The following M1AP variants were observed in gnomAD, a reference collection of about 807,000 sequenced individuals.
The protein encoded by M1AP is meiosis 1 arrest protein.
M1AP carries 39 observed loss-of-function variants against 51.2 expected under a neutral mutation model. That is an observed-to-expected ratio of 0.76 (90% CI 0.59 to 1.00). The LOEUF is 1.00. Among genes scored for constraint, M1AP ranks in the 50% least tolerant of loss-of-function variants. The pLI, the probability that M1AP is intolerant of heterozygous loss-of-function variation, is 0.00. For missense variants in M1AP, 545 were observed against 641.2 expected, an observed-to-expected ratio of 0.85 and a Z score of 1.62; for synonymous variants, 251 against 249.2, an observed-to-expected ratio of 1.01 and a Z score of -0.07.
At chr2:74,607,281 C>T (rs1681071060) in intron 3 of M1AP, 58 bp from the exon 4 acceptor site, 3 of 1,539,728 alleles carry the variant, frequency 1.9e-6, no homozygotes, top group Middle Eastern at 1.7e-4. Context: ...GAGTGAGGAA[C>T]ATAACAGTTC....
At chr2:74,591,141 G>T (rs369723957) in intron 4 of M1AP, among the ~76,000 whole-genome samples, 1 of 152,146 alleles carries the variant, frequency 6.6e-6, no homozygotes. Context: ...GTATAAAGCC[G>T]CCTCCCAGCT....
chr2:74,634,143 T>C lies in M1AP; in HGVS notation c.240+5893A>G, dbSNP rs146235435. ...GGAAAAAACACTTAGCATGATGCCA[T>C]GTATGCAGTAAGCACTCCATAATAT... On this transcript the variant is annotated intron_variant, in intron 2 of 10. Coordinates refer to ENST00000421985, the MANE Select transcript of M1AP (RefSeq NM_001321739.2). Among the ~76,000 whole-genome samples, 534 of 152,340 alleles carry C rather than the reference T, an allele frequency of 3.5e-3. 5 individuals are homozygous for C. The highest frequency in any genetic ancestry group is 0.012 in the African/African-American group (508 of 41,568).
chr2:74,591,520 G>C (rs187235395), intron 4 of M1AP, among the ~76,000 whole-genome samples: 1 of 152,176 alleles, frequency 6.6e-6, no homozygotes, highest in Admixed American at 6.5e-5. Context: ...GCACTGTGGT[G>C]GGGGAGGGAG....
intron 2 of M1AP, among the ~76,000 whole-genome samples, chr2:74,621,254 C>T (rs1682011545): frequency 6.6e-6 from 1 of 151,768 alleles, no homozygotes; most frequent in Admixed American, 6.6e-5. Flanking sequence ...TGCACTCCAG[C>T]CTGGGCGACA....
At chr2:74,639,857 G>A (rs1683190628) in intron 2 of M1AP, among the ~76,000 whole-genome samples, 179 bp downstream of exon 2, 1 of 152,194 alleles carries the variant, frequency 6.6e-6, no homozygotes, top group Admixed American at 6.5e-5. Context: ...CTCTTCAACA[G>A]TACACACCCC....
intron 2 of M1AP, among the ~76,000 whole-genome samples, chr2:74,621,967 A>T (rs1377555684): frequency 4.7e-5 from 7 of 149,634 alleles, no homozygotes; most frequent in Admixed American, 4.7e-4. Context: ...AAAAAATACA[A>T]AAATGAGCCG....
intron 1 of M1AP, among the ~76,000 whole-genome samples, chr2:74,645,273 C>A (rs919126330): frequency 6.6e-6 from 1 of 152,196 alleles, no homozygotes; most frequent in African/African-American, 2.4e-5. Flanking sequence ...ATCCGAACAT[C>A]AGAAGGAACA....
intron 2 of M1AP, chr2:74,628,439 T>C (rs1191487007): frequency 2.8e-5 from 11 of 394,720 alleles, no homozygotes; most frequent in Non-Finnish European, 4.6e-5. Flanking sequence ...TGTAACCATA[T>C]AGGTTGGCAT....
chr2:74,617,747 C>G (rs1681754815), intron 2 of M1AP, among the ~76,000 whole-genome samples: 1 of 152,000 alleles, frequency 6.6e-6, no homozygotes, highest in African/African-American at 2.4e-5. Flanking sequence ...CATTTTGTGC[C>G]CTTCTCATGT....
chr2:74,576,386 T>C (rs1679066621), intron 6 of M1AP, 70 bp downstream of exon 6: 1 of 1,518,758 alleles, frequency 6.6e-7, no homozygotes, highest in Non-Finnish European at 9.1e-7. Flanking sequence ...CATCTATCTC[T>C]GGAGTTCCTA....
At chr2:74,641,586 T>A (rs1359083041) in intron 1 of M1AP, among the ~76,000 whole-genome samples, 1 of 151,872 alleles carries the variant, frequency 6.6e-6, no homozygotes, top group Non-Finnish European at 1.5e-5. Context: ...AGTAAGAGGG[T>A]CAGATGATTT....
At chr2:74,593,919 G>T (rs1680184422) in intron 4 of M1AP, among the ~76,000 whole-genome samples, 1 of 152,192 alleles carries the variant, frequency 6.6e-6, no homozygotes, top group Non-Finnish European at 1.5e-5. Flanking sequence ...GGGCAACCAG[G>T]ACCTCCAGAG....
chr2:74,643,635 G>A (rs1179429762), intron 1 of M1AP, among the ~76,000 whole-genome samples: 4 of 147,926 alleles, frequency 2.7e-5, no homozygotes, highest in Non-Finnish European at 5.9e-5. Context: ...CCATCGCCCA[G>A]GCTGGAGTGC....
chr2:74,571,579 T>C (rs1176776642), intron 7 of M1AP, among the ~76,000 whole-genome samples: 2 of 152,188 alleles, frequency 1.3e-5, no homozygotes, highest in Non-Finnish European at 2.9e-5. Flanking sequence ...CACTTAAAAA[T>C]ATTTGTGTTG....
intron 4 of M1AP, among the ~76,000 whole-genome samples, chr2:74,593,282 A>G (rs1409209658): frequency 6.6e-6 from 1 of 152,246 alleles, no homozygotes; most frequent in Non-Finnish European, 1.5e-5. Context: ...AAATTGAAAA[A>G]GAGTAAATAA....
chr2:74,597,962 A>G (rs1680440952), intron 4 of M1AP, among the ~76,000 whole-genome samples: 1 of 152,236 alleles, frequency 6.6e-6, no homozygotes, highest in Non-Finnish European at 1.5e-5. Flanking sequence ...AACACTCACA[A>G]ATCCTTTATT....
chr2:74,630,087 T>C (rs916692187), intron 2 of M1AP, among the ~76,000 whole-genome samples: 11 of 152,102 alleles, frequency 7.2e-5, no homozygotes, highest in Non-Finnish European at 1.6e-4. Flanking sequence ...ACTACAGCTA[T>C]GTACCACCAT....
chr2:74,609,936 A>G (rs1458094443), intron 3 of M1AP, among the ~76,000 whole-genome samples: 1 of 151,968 alleles, frequency 6.6e-6, no homozygotes, highest in Non-Finnish European at 1.5e-5. Context: ...TATTCCGGAT[A>G]TGAATCCCTT....
intron 2 of M1AP, among the ~76,000 whole-genome samples, chr2:74,621,992 C>T (rs1458469364): frequency 1.4e-5 from 2 of 138,308 alleles, no homozygotes; most frequent in African/African-American, 5.4e-5. Context: ...TGGTGGTGCA[C>T]ACCTGTAATC....
Sources: gnomAD v4.1 joint callset for allele counts (sites outside exome capture counted in the v4.1 genomes callset) on GRCh38, gnomAD v4.1.1 for gene constraint, MANE v1.5 for transcripts, NCBI Gene and HGNC (gene_info 2026-07-23, HGNC 2026-07-21) for gene names.